Variants in SYNE1 observed in about 807,000 individuals in gnomAD.
The protein encoded by SYNE1 is spectrin repeat containing nuclear envelope protein 1, also known as nesprin-1.
SYNE1 carries 616 observed loss-of-function variants against 1,111.0 expected under a neutral mutation model. That is an observed-to-expected ratio of 0.55 (90% CI 0.52 to 0.59). The LOEUF is 0.59. Ranked by LOEUF, SYNE1 falls within the 20% of genes least tolerant of loss-of-function variation. SYNE1 has a pLI of 0.00. For missense variants in SYNE1, 10,006 were observed against 10,417.0 expected (o/e 0.96, Z 1.72); for synonymous variants, 3,855 against 3,825.8 (o/e 1.01, Z -0.28).
chr6:152,435,795 T>C, intron 33 of SYNE1, 146 bp downstream of exon 33: 1 of 1,008,774 alleles, frequency 9.9e-7, no homozygotes, highest in African/African-American at 1.6e-5. Flanking sequence ...GATACTTTCT[T>C]TTGAACTGTG....
At chr6:152,355,919 T>C (rs1175679863) in intron 66 of SYNE1, among the ~76,000 whole-genome samples, 1 of 152,180 alleles carries the variant, frequency 6.6e-6, no homozygotes, top group African/African-American at 2.4e-5. Flanking sequence ...AAATTTTTCT[T>C]CAAATATGAT....
chr6:152,362,380 A>C, intron 63 of SYNE1, 57 bp from the exon 64 acceptor site: 1 of 1,610,824 alleles, frequency 6.2e-7, no homozygotes, highest in South Asian at 1.1e-5. Flanking sequence ...GGAGTCTAAA[A>C]TGTCATTGTG....
intron 128 of SYNE1, 98 bp from the exon 129 acceptor site, chr6:152,180,392 T>G (rs149298988): frequency 7.1e-5 from 80 of 1,120,378 alleles, no homozygotes; most frequent in Non-Finnish European, 9.8e-5. Context: ...AAATGAATGA[T>G]AGTCATACAT....
Position 152,409,234 on chromosome 6 carries a change from T to G in SYNE1, c.6382-8A>C. Reference sequence around the variant, plus strand: ...GTTCTTGGCAGTTTCATGCTGTGGATAAATGATTTCTTAATTAATAAAATA... The same window carrying G: ...GTTCTTGGCAGTTTCATGCTGTGGAGAAATGATTTCTTAATTAATAAAATA... On this transcript the variant is annotated splice_polypyrimidine_tract_variant and splice_region_variant and intron_variant, in intron 43 of 145. Transcript: ENST00000367255. 1 of 1,613,468 alleles carries G rather than the reference T, an allele frequency of 6.2e-7. No homozygotes were observed.
chr6:152,464,912 G>GT (rs1184896018), intron 18 of SYNE1: 4 of 359,304 alleles, frequency 1.1e-5, no homozygotes, highest in Non-Finnish European at 2.1e-5. Context: ...AGATCCAGTA[G>GT]TATGTGTTTC....
Position 152,353,710 on chromosome 6 carries a change from T to C in SYNE1, c.10961A>G (p.Glu3654Gly). The change falls in exon 68 of 146, where the codon GAA (glutamate) becomes GGA (glycine). Residue 3654 changes from glutamate to glycine, a missense_variant. Physicochemically the swap from Glu to Gly is moderately conservative, Grantham distance 98 (BLOSUM62 -2). Around this residue, in one of 7 missense-constraint regions of SYNE1, gnomAD observed 4,955 missense variants for 5,017.2 expected, o/e 0.99. Coordinates refer to ENST00000367255, the MANE Select transcript of SYNE1 (RefSeq NM_182961.4). Reference sequence around the variant, plus strand: ...AGCTCTAGCTCCCACTTCCTCAACTTCATCTCTGTATGCAGTCACTTCTTC... The same window carrying C: ...AGCTCTAGCTCCCACTTCCTCAACTCCATCTCTGTATGCAGTCACTTCTTC... Reference protein sequence around the residue: ...WHEEVTAYRDEVEEVGARAQE... With the variant: ...WHEEVTAYRDGVEEVGARAQE... 1 of 1,614,134 alleles carries C rather than the reference T, an allele frequency of 6.2e-7. No individual in the cohort carries two copies. The highest frequency in any genetic ancestry group is 8.5e-7 in the Non-Finnish European group (1 of 1,180,032).
At position 152,381,521 on chromosome 6, in the gene SYNE1, A is replaced by G. The variant is rs1190905095; in HGVS notation, c.8653-159T>C. On this transcript the variant is annotated intron_variant, in intron 55 of 145. Transcript: ENST00000367255. Reference sequence around the variant, plus strand: ...TTCATCTGTCCACTCTTAAATTATAATAGCGGGAGTTGTCATCACGAGTGC... The same window carrying G: ...TTCATCTGTCCACTCTTAAATTATAGTAGCGGGAGTTGTCATCACGAGTGC... 11 of 765,138 alleles carry G rather than the reference A, an allele frequency of 1.4e-5. No homozygotes were observed. The East Asian group carries it at 2.2e-4, about 16-fold the overall frequency. 47.4% of individuals were successfully genotyped at this position (765,138 alleles called of 1,614,324 possible). A position where few individuals can be genotyped will look rare whatever the true frequency, so the allele number is the denominator to read the frequency against.
chr6:152,317,866 G>T (rs2095772406), intron 86 of SYNE1, among the ~76,000 whole-genome samples: 1 of 152,204 alleles, frequency 6.6e-6, no homozygotes, highest in Non-Finnish European at 1.5e-5. Context: ...GACCACCTTT[G>T]TCAGTGACTT....
At chr6:152,138,656 A>G (rs2057692414) in intron 140 of SYNE1, among the ~76,000 whole-genome samples, 1 of 152,172 alleles carries the variant, frequency 6.6e-6, no homozygotes, top group African/African-American at 2.4e-5. Flanking sequence ...AAAGCAGCAC[A>G]CACTTCATTC....
chr6:152,357,284 C>T (rs1329316307), intron 66 of SYNE1, among the ~76,000 whole-genome samples: 1 of 152,140 alleles, frequency 6.6e-6, no homozygotes, highest in Non-Finnish European at 1.5e-5. Context: ...TTCCCAATCC[C>T]AACCCCATTC....
intron 3 of SYNE1, 86 bp downstream of exon 3, chr6:152,628,179 T>C (rs150459050): frequency 7.2e-5 from 105 of 1,451,022 alleles, no homozygotes; most frequent in South Asian, 3.3e-4. Flanking sequence ...TTCCATGAAA[T>C]TGAGTAAAAC....
At chr6:152,604,994 AAGAAAGAAAGAAAGAG>A (rs1203906643) in intron 3 of SYNE1, among the ~76,000 whole-genome samples, 113 of 26,926 alleles carry the variant, frequency 4.2e-3, no homozygotes, top group African/African-American at 0.01. Flanking sequence ...GAAAGAAAGA[AAGAAAGAAAGAAAGAG>A]AGAGAGAGAG....
chr6:152,343,474 T>C (rs915772997), intron 74 of SYNE1, among the ~76,000 whole-genome samples: 86 of 151,208 alleles, frequency 5.7e-4, no homozygotes, highest in African/African-American at 2.0e-3. Context: ...CTCTTTCTTT[T>C]TTTTTTTTCT....
At chr6:152,237,417 C>T (rs13192494) in intron 108 of SYNE1, among the ~76,000 whole-genome samples, 29,392 of 150,718 alleles carry the variant, frequency 0.2, 3,139 homozygotes, top group African/African-American at 0.24. Context: ...TCAAGGGATC[C>T]TCCTGCTTCA....
At chr6:152,183,695 C>T (rs1383912138) in intron 128 of SYNE1, among the ~76,000 whole-genome samples, 1 of 152,184 alleles carries the variant, frequency 6.6e-6, no homozygotes, top group Non-Finnish European at 1.5e-5. Context: ...CAAGAATGAA[C>T]TCTAGGCCTT....
At chr6:152,455,822 G>T (rs987759811) in intron 23 of SYNE1, 64 bp downstream of exon 23, 2 of 1,609,296 alleles carry the variant, frequency 1.2e-6, no homozygotes, top group Middle Eastern at 1.7e-4. Flanking sequence ...CACGAGTGAT[G>T]GTTTCTTGTC....
intron 138 of SYNE1, among the ~76,000 whole-genome samples, chr6:152,143,231 C>CA (rs1401594883): frequency 4.6e-5 from 7 of 151,768 alleles, no homozygotes; most frequent in East Asian, 1.9e-4. Context: ...AAAAGAACTA[C>CA]CAAAAAAACT....
Position 152,309,974 on chromosome 6 carries a change from G to T in SYNE1, c.17063C>A (p.Ala5688Glu), listed in dbSNP as rs1175808365. Residue 5688 changes from alanine to glutamate, a missense_variant, in exon 90 of 146, where the codon GCA (alanine) becomes GAA (glutamate). Ala to Glu is a moderately radical substitution (Grantham distance 107, BLOSUM62 -1). Transcript: ENST00000367255. The part of the protein sequence containing the change: ...EMESLKPKVQ[A>E]VQLCQSALRI... ...GAGGGCACTCTGGCAGAGCTGCACTGCTTGCACCTTCGGCTTCAGTGACTC... is the reference window on the plus strand; with the variant it reads ...GAGGGCACTCTGGCAGAGCTGCACTTCTTGCACCTTCGGCTTCAGTGACTC... The T allele has an allele frequency of 2.5e-6, 4 of 1,613,972 alleles. No individual in the cohort carries two copies. The Admixed American group carries it at 6.7e-5, about 27-fold the overall frequency.
chr6:152,472,327 A>G lies in SYNE1; in HGVS notation c.1437T>C (p.Pro479=). The G allele has an allele frequency of 6.2e-7, 1 of 1,613,964 alleles. No individual in the cohort carries two copies. Among genetic ancestry groups the G allele is most frequent in the East Asian group, 2.2e-5 (1 of 44,890 alleles). Residue 479 remains proline (P), a synonymous_variant, in exon 15 of 146, where the codon CCT becomes CCC. Coordinates refer to ENST00000367255, the MANE Select transcript of SYNE1 (RefSeq NM_182961.4). ...TCTCGGCCATGTCCTCTAATTGATC[A>G]GGTGGCACTGGAATCCCGTTAACAG... ...TRSVNGIPVP[P]DQLEDMAERF...
Sources: gnomAD v4.1 joint callset for allele counts (sites outside exome capture counted in the v4.1 genomes callset) on GRCh38, gnomAD v4.1.1 for gene constraint, gnomAD v4.1.1 regional missense constraint, MANE v1.5 for transcripts, NCBI Gene and HGNC (gene_info 2026-07-23, HGNC 2026-07-21) for gene names.